Variants in ZFYVE1 observed in about 807,000 individuals in gnomAD.
ZFYVE1 encodes the protein zinc finger FYVE-type containing 1, also known as zinc finger FYVE domain-containing protein 1.
In ZFYVE1, 30 loss-of-function variants were observed where a neutral mutation model predicts 74.4. The ratio of observed to expected loss-of-function variants is 0.40; its 90% confidence interval spans 0.30 to 0.55. ZFYVE1 has a LOEUF of 0.55. ZFYVE1 is among the 20% of genes least tolerant of loss of function. The pLI is 0.42. For synonymous variants in ZFYVE1, 335 were observed against 385.1 expected (o/e 0.87, Z 1.52); for missense variants, 703 against 1,011.6 (o/e 0.69, Z 4.14).
chr14:72,996,274 T>A (rs1893746511), intron 3 of ZFYVE1, among the ~76,000 whole-genome samples: 1 of 152,198 alleles, frequency 6.6e-6, no homozygotes, highest in South Asian at 2.1e-4. Flanking sequence ...GAAGTATACA[T>A]GATCTGAAGT....
chr14:72,971,875 C>T (rs930042293), intron 11 of ZFYVE1, among the ~76,000 whole-genome samples: 5 of 152,168 alleles, frequency 3.3e-5, no homozygotes, highest in Admixed American at 6.5e-5. Context: ...GAGTCAGACA[C>T]TCAAATCCCA....
intron 4 of ZFYVE1, among the ~76,000 whole-genome samples, chr14:72,983,433 T>A (rs1893394911): frequency 6.9e-6 from 1 of 145,558 alleles, no homozygotes; most frequent in Non-Finnish European, 1.5e-5. Context: ...TTCCCACCTA[T>A]AAGTGAGAAC....
chr14:72,971,864 G>A (rs1893042718), intron 11 of ZFYVE1, among the ~76,000 whole-genome samples: 1 of 152,178 alleles, frequency 6.6e-6, no homozygotes, highest in South Asian at 2.1e-4. Flanking sequence ...TCTGGGCTCT[G>A]GAGTCAGACA....
chr14:72,969,498 A>G lies in ZFYVE1; in HGVS notation c.*1384T>C, dbSNP rs755119632. Reference sequence around the variant, plus strand: ...GGCGAATTGGATGGTACACAGTTCTAGAGTAGGGTCCCAGTCACTGGACCC... The same window carrying G: ...GGCGAATTGGATGGTACACAGTTCTGGAGTAGGGTCCCAGTCACTGGACCC... On this transcript the variant is annotated 3_prime_UTR_variant, in exon 12 of 12. Coordinates refer to ENST00000556143, the MANE Select transcript of ZFYVE1 (RefSeq NM_021260.4). The G allele has an allele frequency of 1.2e-5, 7 of 584,206 alleles. No homozygotes were observed. Among genetic ancestry groups the G allele is most frequent in the Non-Finnish European group, 2.1e-5 (7 of 330,042 alleles). 36.2% of individuals were successfully genotyped at this position (584,206 alleles called of 1,614,324 possible).
At chr14:73,023,110 A>C (rs1567366415) in intron 2 of ZFYVE1, among the ~76,000 whole-genome samples, 2 of 149,154 alleles carry the variant, frequency 1.3e-5, no homozygotes, top group Non-Finnish European at 3.0e-5. Flanking sequence ...GCAGTGAGCC[A>C]AGATGGCACC....
chr14:73,010,728 C>T (rs1213148046), intron 2 of ZFYVE1, among the ~76,000 whole-genome samples: 1 of 140,962 alleles, frequency 7.1e-6, no homozygotes, highest in Non-Finnish European at 1.5e-5. Flanking sequence ...TGAGATTGTG[C>T]CACTGCACTC....
intron 1 of ZFYVE1, among the ~76,000 whole-genome samples, chr14:73,026,199 C>G (rs1894457173): frequency 6.7e-6 from 1 of 150,140 alleles, no homozygotes; most frequent in Non-Finnish European, 1.5e-5. Context: ...AAAGCCAGGC[C>G]TGCAGTGAAT....
intron 4 of ZFYVE1, among the ~76,000 whole-genome samples, chr14:72,992,189 G>A (rs1489851619): frequency 2.0e-5 from 3 of 152,124 alleles, no homozygotes; most frequent in Admixed American, 6.6e-5. Flanking sequence ...AATTACAGGC[G>A]TGAGCCACCA....
intron 2 of ZFYVE1, among the ~76,000 whole-genome samples, chr14:73,007,029 A>G (rs1893995505): frequency 6.6e-6 from 1 of 151,918 alleles, no homozygotes; most frequent in Admixed American, 6.6e-5. Flanking sequence ...TAGAATTCAG[A>G]ATAGTTCATG....
chr14:72,986,774 C>T (rs370603712), intron 4 of ZFYVE1: 1 of 570,736 alleles, frequency 1.8e-6, no homozygotes. Flanking sequence ...AAGTGATCCA[C>T]CTGCCTCAGC....
rs1567366603 is a variant in ZFYVE1 at position 73,023,243 on chromosome 14, T to TATATAATATATGTTTTATATATA, written c.483+782_483+783insTATATATAAAACATATATTATAT. Among the ~76,000 whole-genome samples, 31 of 117,814 alleles carry TATATAATATATGTTTTATATATA rather than the reference T, an allele frequency of 2.6e-4. 2 individuals are homozygous for TATATAATATATGTTTTATATATA. The highest frequency in any genetic ancestry group is 4.1e-4 in the Admixed American group (4 of 9,746). 77.3% of individuals were successfully genotyped at this position (117,814 alleles called of 152,430 possible). A position where few individuals can be genotyped will look rare whatever the true frequency, so the allele number is the denominator to read the frequency against. On this transcript the variant is annotated intron_variant, in intron 2 of 11. Transcript: ENST00000556143. The stretch of plus-strand genomic sequence containing the variant: ...TATATTTTATATGTTTTATATGTAA[T>TATATAATATATGTTTTATATATA]ATATATATTATATGTTTTATATATA...
intron 2 of ZFYVE1, among the ~76,000 whole-genome samples, chr14:73,019,211 A>C (rs968430464): frequency 9.2e-5 from 14 of 152,166 alleles, no homozygotes; most frequent in African/African-American, 3.4e-4. Context: ...TCATACACAA[A>C]AATCTTAGGA....
Position 72,978,057 on chromosome 14 carries a change from C to A in ZFYVE1, c.1518-13G>T. On this transcript the variant is annotated splice_polypyrimidine_tract_variant and intron_variant, in intron 7 of 11. Transcript: ENST00000556143. ...TTCGATCACATACCTACAAGGAAAG[C>A]AAATCAATACTGTTACCCAGCCAGG... 1 of 1,614,120 alleles carries A rather than the reference C, an allele frequency of 6.2e-7. No individual in the cohort carries two copies. Among genetic ancestry groups the A allele is most frequent in the Non-Finnish European group, 8.5e-7 (1 of 1,179,996 alleles).
intron 4 of ZFYVE1, among the ~76,000 whole-genome samples, chr14:72,984,741 AC>A (rs1169509654): frequency 1.3e-5 from 2 of 152,050 alleles, no homozygotes; most frequent in Non-Finnish European, 2.9e-5. Context: ...CTCTCCAACC[AC>A]ATCACTCTCT....
chr14:72,990,982 G>A (rs1893597199), intron 4 of ZFYVE1, among the ~76,000 whole-genome samples: 1 of 151,950 alleles, frequency 6.6e-6, no homozygotes, highest in Non-Finnish European at 1.5e-5. Flanking sequence ...ATGATTACAG[G>A]CATGAGCCAC....
Position 72,969,766 on chromosome 14 carries a change from A to C in ZFYVE1, c.*1116T>G, listed in dbSNP as rs1268272830. ...GACAGAGATGTCCAGGCTCTTGAGG[A>C]GAAACAAAAGTTCCTTTGACTTCTC... On this transcript the variant is annotated 3_prime_UTR_variant, in exon 12 of 12. Transcript: ENST00000556143. 6 of 701,978 alleles carry C rather than the reference A, an allele frequency of 8.5e-6. No homozygotes were observed. The South Asian group carries it at 8.9e-5, about 10-fold the overall frequency. The allele number at this position is 701,978 out of a possible 1,614,324, so 43.5% of individuals were successfully genotyped here.
At chr14:72,995,173 C>T (rs1893714722) in intron 3 of ZFYVE1, among the ~76,000 whole-genome samples, 1 of 152,218 alleles carries the variant, frequency 6.6e-6, no homozygotes, top group South Asian at 2.1e-4. Flanking sequence ...CGGCTCACTG[C>T]AACCTCCACC....
At chr14:73,019,771 G>A (rs1238514116) in intron 2 of ZFYVE1, among the ~76,000 whole-genome samples, 3 of 151,858 alleles carry the variant, frequency 2.0e-5, no homozygotes, top group Non-Finnish European at 2.9e-5. Flanking sequence ...GACCAACAAG[G>A]TGAAACCCCG....
At chr14:73,019,180 A>G (rs962033174) in intron 2 of ZFYVE1, among the ~76,000 whole-genome samples, 1 of 152,238 alleles carries the variant, frequency 6.6e-6, no homozygotes, top group Non-Finnish European at 1.5e-5. Context: ...ATTTTCTAAA[A>G]GAAACTGAGT....
Sources: allele counts gnomAD v4.1 joint callset (sites outside exome capture counted in the v4.1 genomes callset), GRCh38; gene constraint gnomAD v4.1.1; transcripts MANE v1.5; gene names NCBI Gene and HGNC (gene_info 2026-07-23, HGNC 2026-07-21).